The following OXR1 variants were observed in gnomAD, a reference collection of about 807,000 sequenced individuals.
OXR1 encodes the protein oxidation resistance protein 1.
Under a neutral mutation model 104.6 loss-of-function variants are expected in OXR1, and 41 were observed. The observed-to-expected ratio is 0.39, with a 90% CI of 0.31 to 0.51. OXR1 has a LOEUF of 0.51. OXR1 is among the 20% of genes least tolerant of loss of function. The pLI is 0.77. For synonymous variants in OXR1, 348 were observed against 348.4 expected, an observed-to-expected ratio of 1.00 and a Z score of 0.01; for missense variants, 955 against 1,031.9, an observed-to-expected ratio of 0.93 and a Z score of 1.02.
intron 6 of OXR1, among the ~76,000 whole-genome samples, chr8:106,691,436 C>T (rs1829264906): frequency 1.3e-5 from 2 of 151,682 alleles, no homozygotes; most frequent in African/African-American, 2.4e-5. Flanking sequence ...AAGTAATCTC[C>T]TTTTTTGTGC....
intron 2 of OXR1, among the ~76,000 whole-genome samples, chr8:106,487,850 C>G (rs1250443692): frequency 6.6e-6 from 1 of 151,678 alleles, no homozygotes; most frequent in Non-Finnish European, 1.5e-5. Context: ...GGTTCCAAGT[C>G]TTTGCTATTG....
At chr8:106,336,576 A>G (rs1814975366) in intron 1 of OXR1, among the ~76,000 whole-genome samples, 1 of 152,222 alleles carries the variant, frequency 6.6e-6, no homozygotes, top group Admixed American at 6.5e-5. Context: ...GATGAATTGG[A>G]ATCAAATTAT....
intron 3 of OXR1, among the ~76,000 whole-genome samples, chr8:106,553,568 C>T (rs962751951): frequency 3.0e-4 from 45 of 152,226 alleles, no homozygotes; most frequent in African/African-American, 1.1e-3. Context: ...GATCCACCTG[C>T]CTCGGTCTCC....
chr8:106,702,390 G>C (rs1220709474), intron 7 of OXR1, among the ~76,000 whole-genome samples: 1 of 152,086 alleles, frequency 6.6e-6, no homozygotes, highest in Non-Finnish European at 1.5e-5. Flanking sequence ...TAAGCCCAGA[G>C]ACTCCTTGCC....
intron 2 of OXR1, among the ~76,000 whole-genome samples, chr8:106,388,035 G>T (rs975977511): frequency 6.6e-6 from 1 of 152,120 alleles, no homozygotes; most frequent in Admixed American, 6.5e-5. Flanking sequence ...TAAATCCCTT[G>T]GGGAAATATT....
intron 2 of OXR1, among the ~76,000 whole-genome samples, chr8:106,387,909 G>T (rs907699805): frequency 6.6e-6 from 1 of 152,102 alleles, no homozygotes; most frequent in Non-Finnish European, 1.5e-5. Context: ...AATTTATTTT[G>T]CACTTTTAGC....
intron 2 of OXR1, among the ~76,000 whole-genome samples, chr8:106,474,677 A>G (rs1393838962): frequency 6.6e-6 from 1 of 151,972 alleles, no homozygotes; most frequent in Non-Finnish European, 1.5e-5. Context: ...ACGTCAGCAG[A>G]GGTGAGTAGT....
In OXR1 at chr8:106,299,769, A is replaced by G. The variant is rs187212574; in HGVS notation, c.-139+29402A>G. On this transcript the variant is annotated intron_variant, in intron 1 of 16. Transcript: ENST00000517566. The stretch of plus-strand genomic sequence containing the variant: ...TTGCCGCATGCTTGACTATATGTTG[A>G]TCTCATTCAGAAACACTGTTTCTTA... Among the ~76,000 whole-genome samples, 82 of 152,296 alleles carry G rather than the reference A, an allele frequency of 5.4e-4. 1 individual carries two copies. Among genetic ancestry groups the G allele is most frequent in the Non-Finnish European group, 4.4e-4 (30 of 67,996 alleles).
chr8:106,539,827 G>A (rs763565158), intron 3 of OXR1, among the ~76,000 whole-genome samples: 7 of 152,116 alleles, frequency 4.6e-5, no homozygotes, highest in African/African-American at 1.2e-4. Context: ...CCTGAGTTTC[G>A]GGCTGTGTCT....
chr8:106,715,641 C>G (rs1832167964), intron 11 of OXR1, among the ~76,000 whole-genome samples: 1 of 151,930 alleles, frequency 6.6e-6, no homozygotes, highest in South Asian at 2.1e-4. Flanking sequence ...CAGTGACAAC[C>G]TGGTAACCAT....
At chr8:106,375,633 C>A (rs1252428141) in intron 2 of OXR1, among the ~76,000 whole-genome samples, 1 of 152,180 alleles carries the variant, frequency 6.6e-6, no homozygotes, top group Middle Eastern at 3.2e-3. Context: ...TCATGTTACA[C>A]AATTCTGGTC....
chr8:106,327,809 C>T (rs540440399), intron 1 of OXR1, among the ~76,000 whole-genome samples: 1 of 152,148 alleles, frequency 6.6e-6, no homozygotes, highest in Non-Finnish European at 1.5e-5. Flanking sequence ...GTTAATCTAT[C>T]GATAAGCAAA....
chr8:106,375,722 C>CT (rs1816881989), intron 2 of OXR1, among the ~76,000 whole-genome samples: 1 of 152,116 alleles, frequency 6.6e-6, no homozygotes, highest in South Asian at 2.1e-4. Context: ...CCAGCTAGGC[C>CT]TTGGAACAGA....
chr8:106,547,168 C>T (rs542642177), intron 3 of OXR1, among the ~76,000 whole-genome samples: 2 of 152,182 alleles, frequency 1.3e-5, no homozygotes, highest in South Asian at 4.1e-4. Context: ...GGATTACAGG[C>T]GTGAGCCACC....
At chr8:106,659,764 G>T (rs948466152) in intron 3 of OXR1, among the ~76,000 whole-genome samples, 3 of 152,228 alleles carry the variant, frequency 2.0e-5, no homozygotes, top group Non-Finnish European at 4.4e-5. Context: ...GGAGGCTGGG[G>T]CGGGAAGATC....
In OXR1 at chr8:106,657,824, C is replaced by CAG. The variant is rs1344494886; in HGVS notation, c.221-21379_221-21378dup. ...GGTTTCCTGATGGTCCGTCCCCGGG[C>CAG]AGAGAGAGGGACGCCCCCTCCTCCT... On this transcript the variant is annotated intron_variant, in intron 3 of 16. Coordinates refer to ENST00000517566, the MANE Select transcript of OXR1 (RefSeq NM_001198533.2). The CAG allele has an allele frequency of 3.2e-6, 4 of 1,234,510 alleles. No homozygotes were observed. In the East Asian group the frequency reaches 1.3e-4, roughly 39 times the overall value. The allele number at this position is 1,234,510 out of a possible 1,614,324, so 76.5% of individuals were successfully genotyped here.
intron 1 of OXR1, among the ~76,000 whole-genome samples, chr8:106,270,761 G>T (rs1036126444): frequency 3.9e-5 from 6 of 152,118 alleles, no homozygotes; most frequent in Non-Finnish European, 5.9e-5. Context: ...TGGGAGCAGC[G>T]TGAGAGCAGT....
chr8:106,350,741 G>GGATACATCC (rs1815688562), intron 1 of OXR1, among the ~76,000 whole-genome samples: 2 of 152,086 alleles, frequency 1.3e-5, no homozygotes, highest in African/African-American at 4.8e-5. Flanking sequence ...CATTTATTTG[G>GGATACATCC]GATACATCCA....
intron 1 of OXR1, among the ~76,000 whole-genome samples, chr8:106,354,410 G>A (rs1200630642): frequency 6.6e-6 from 1 of 152,084 alleles, no homozygotes; most frequent in Non-Finnish European, 1.5e-5. Flanking sequence ...ATTAGCTCTT[G>A]TAGTGCCCTG....
Sources: gnomAD v4.1 joint callset for allele counts (sites outside exome capture counted in the v4.1 genomes callset) on GRCh38, gnomAD v4.1.1 for gene constraint, MANE v1.5 for transcripts, NCBI Gene and HGNC (gene_info 2026-07-23, HGNC 2026-07-21) for gene names.